The following PROCR variants were observed in gnomAD, a reference collection of about 807,000 sequenced individuals.
The protein encoded by PROCR is protein C receptor, also known as endothelial protein C receptor.
PROCR carries 22 observed loss-of-function variants against 24.2 expected under a neutral mutation model. The ratio of observed to expected loss-of-function variants is 0.91; its 90% CI spans 0.65 to 1.30. PROCR has a LOEUF of 1.30. Among genes scored for constraint, PROCR ranks in the 50% most tolerant of loss-of-function variants. The probability of loss-of-function intolerance (pLI) is 0.00; values close to 1 mark genes in which losing one functional copy is unlikely to be tolerated. For missense variants in PROCR, 288 were observed against 307.7 expected (o/e 0.94, Z 0.48); for synonymous variants, 137 against 139.2 (o/e 0.98, Z 0.11).
intron 3 of PROCR, 75 bp from the exon 4 acceptor site, chr20:35,176,623 C>T (rs1600735294): frequency 1.9e-6 from 3 of 1,568,270 alleles, no homozygotes; most frequent in East Asian, 2.3e-5. Context: ...GGGGCAGAAA[C>T]GCTTTGGGGT....
At chr20:35,208,595 G>A (rs1008201671) in intron 1 of PROCR, among the ~76,000 whole-genome samples, 2 of 152,118 alleles carry the variant, frequency 1.3e-5, no homozygotes, top group African/African-American at 4.8e-5. Context: ...ATAGCAATAG[G>A]TTTTAAATCA....
chr20:35,211,303 C>G (rs565421096), intron 1 of PROCR, among the ~76,000 whole-genome samples: 38 of 152,240 alleles, frequency 2.5e-4, no homozygotes, highest in Admixed American at 5.2e-4. Flanking sequence ...GAGATTGCAC[C>G]TCCATTTTAA....
In PROCR at chr20:35,208,119, G is replaced by A. The variant is rs377405506; in HGVS notation, c.95-7774G>A. 1.4e-3 allele frequency among the ~76,000 whole-genome samples: 214 copies of A among 152,198 alleles called. 5 individuals carry two copies. In the South Asian group the frequency reaches 0.041, roughly 29 times the overall value. ...ATGGGAGAGAAGGGAAGGAAAAGCC[G>A]GCAGCACAGCGATGGGAAACTAGAG... On this transcript the variant is annotated intron_variant, in intron 1 of 1. Coordinates refer to the PROCR transcript ENST00000634509.
chr20:35,182,736 G>A (rs1413637027), intron 1 of PROCR, among the ~76,000 whole-genome samples: 1 of 152,142 alleles, frequency 6.6e-6, no homozygotes, highest in African/African-American at 2.4e-5. Flanking sequence ...AGCACTTTGG[G>A]AGGCTGAGGT....
intron 2 of PROCR, 116 bp downstream of exon 2, chr20:35,175,069 G>C: frequency 2.4e-6 from 3 of 1,225,306 alleles, no homozygotes; most frequent in South Asian, 1.7e-5. Context: ...GGACCCGGCA[G>C]CCACTGGAGC....
chr20:35,200,900 G>A (rs1568599276), intron 1 of PROCR, among the ~76,000 whole-genome samples: 1 of 152,028 alleles, frequency 6.6e-6, no homozygotes, highest in South Asian at 2.1e-4. Flanking sequence ...CACCTGCCTC[G>A]GCCTCACAAA....
At position 35,185,030 on chromosome 20, in the gene PROCR, C is replaced by CAA. The variant is rs55715132; in HGVS notation, c.94+8603_94+8604dup. Among the ~76,000 whole-genome samples, 146 of 104,080 alleles carry CAA rather than the reference C, an allele frequency of 1.4e-3. 1 individual carries two copies. Among genetic ancestry groups the CAA allele is most frequent in the East Asian group, 3.9e-3 (12 of 3,092 alleles). The allele number at this position is 104,080 out of a possible 152,430, so 68.3% of individuals were successfully genotyped here. ...AATGAACTCAAACGAATCAGTAAGA[C>CAA]AAAAAAAAAAAAAAAAAAAATCAAT... On this transcript the variant is annotated intron_variant, in intron 1 of 1. Transcript: ENST00000634509.
chr20:35,205,678 G>T (rs2060335814), intron 1 of PROCR, among the ~76,000 whole-genome samples: 1 of 148,132 alleles, frequency 6.8e-6, no homozygotes, highest in African/African-American at 2.5e-5. Context: ...TTGAACCTGG[G>T]AGGTGGAGGT....
intron 1 of PROCR, among the ~76,000 whole-genome samples, chr20:35,201,058 G>GGTAT (rs1427185425): frequency 1.3e-5 from 2 of 152,000 alleles, no homozygotes; most frequent in Non-Finnish European, 2.9e-5. Flanking sequence ...ATATTTCCAA[G>GGTAT]GTATGCCTGT....
intron 1 of PROCR, among the ~76,000 whole-genome samples, chr20:35,203,748 T>G (rs1375218179): frequency 6.6e-6 from 1 of 151,886 alleles, no homozygotes; most frequent in East Asian, 1.9e-4. Flanking sequence ...TGACTGAACA[T>G]CAAAACAAAA....
At position 35,182,802 on chromosome 20, in the gene PROCR, C is replaced by T. The variant is rs1303852404; in HGVS notation, c.94+6356C>T. ...ACCAGCCTGGCCAACATGGTGAAAC[C>T]GTCTCTACTAAATATACAAAAATTA... On this transcript the variant is annotated intron_variant, in intron 1 of 1. Transcript: ENST00000634509. 3.9e-5 allele frequency among the ~76,000 whole-genome samples: 6 copies of T among 151,968 alleles called. No homozygotes were observed. The East Asian group carries it at 1.2e-3, about 29-fold the overall frequency.
At chr20:35,173,350 G>A (rs2146140603) in intron 1 of PROCR, among the ~76,000 whole-genome samples, 1 of 151,902 alleles carries the variant, frequency 6.6e-6, no homozygotes, top group East Asian at 1.9e-4. Flanking sequence ...TGTCTCGTGG[G>A]GCATCAGAAA....
chr20:35,213,231 G>A (rs149229980), intron 1 of PROCR, among the ~76,000 whole-genome samples: 235 of 152,284 alleles, frequency 1.5e-3, no homozygotes, highest in Non-Finnish European at 2.2e-3. Flanking sequence ...TACTTGGGAG[G>A]CTGAGACATG....
chr20:35,181,589 C>T (rs1015325861), downstream of PROCR, among the ~76,000 whole-genome samples: 1 of 152,034 alleles, frequency 6.6e-6, no homozygotes, highest in African/African-American at 2.4e-5. Context: ...ATTTTATTTT[C>T]TACCATTTCT....
chr20:35,197,740 T>C (rs1600748445), intron 1 of PROCR, among the ~76,000 whole-genome samples: 1 of 150,514 alleles, frequency 6.6e-6, no homozygotes, highest in East Asian at 2.0e-4. Context: ...GAGAATTGCT[T>C]GAACCCAGGA....
At chr20:35,207,242 CTG>C (rs1405195800) in intron 1 of PROCR, among the ~76,000 whole-genome samples, 2 of 152,070 alleles carry the variant, frequency 1.3e-5, no homozygotes, top group South Asian at 2.1e-4. Context: ...AGGTGATTAA[CTG>C]TTTTATTTTT....
intron 1 of PROCR, among the ~76,000 whole-genome samples, chr20:35,197,387 T>C (rs1285401659): frequency 6.6e-6 from 1 of 152,292 alleles, no homozygotes; most frequent in East Asian, 1.9e-4. Context: ...AGTTGATAAA[T>C]GTAGTATGTG....
At chr20:35,198,996 G>A (rs752395467) in intron 1 of PROCR, among the ~76,000 whole-genome samples, 6 of 152,156 alleles carry the variant, frequency 3.9e-5, no homozygotes, top group Non-Finnish European at 5.9e-5. Flanking sequence ...TTACAGGCAT[G>A]AGCCACCATG....
At chr20:35,203,604 A>G (rs1290386662) in intron 1 of PROCR, among the ~76,000 whole-genome samples, 2 of 151,826 alleles carry the variant, frequency 1.3e-5, no homozygotes, top group African/African-American at 4.8e-5. Context: ...GTAACAGAAC[A>G]AGACTCTGTC....
Sources: allele counts gnomAD v4.1 joint callset (sites outside exome capture counted in the v4.1 genomes callset), GRCh38; gene constraint gnomAD v4.1.1; transcripts MANE v1.5; gene names NCBI Gene and HGNC (gene_info 2026-07-23, HGNC 2026-07-21).